RPS6KA2: variants seen among roughly 807,000 people sequenced by gnomAD.
RPS6KA2 encodes ribosomal protein S6 kinase alpha-2.
In RPS6KA2, 42 loss-of-function variants were observed where a neutral mutation model predicts 91.8. That is an observed-to-expected ratio of 0.46 (90% CI 0.36 to 0.59). The LOEUF is 0.59. Among genes scored for constraint, RPS6KA2 ranks in the 20% least tolerant of loss-of-function variants. The pLI is 0.00. For synonymous variants in RPS6KA2, 414 were observed against 393.6 expected (o/e 1.05, Z -0.61); for missense variants, 798 against 978.5 (o/e 0.82, Z 2.46).
intron 3 of RPS6KA2, among the ~76,000 whole-genome samples, chr6:166,529,371 C>T (rs544067137): frequency 1.3e-4 from 20 of 152,036 alleles, no homozygotes; most frequent in East Asian, 7.7e-4. Context: ...AATTGAACAA[C>T]GAGAACCCTT....
At chr6:166,440,152 G>A (rs1168718744) in intron 14 of RPS6KA2, 1 of 152,218 alleles carries the variant, frequency 6.6e-6, no homozygotes, top group African/African-American at 2.4e-5. Flanking sequence ...GTAATGTGTT[G>A]CATTCCTAAA....
intron 2 of RPS6KA2, among the ~76,000 whole-genome samples, chr6:166,795,457 G>T (rs1210860872): frequency 6.6e-6 from 1 of 152,232 alleles, no homozygotes; most frequent in East Asian, 1.9e-4. Flanking sequence ...TGGCATTAAA[G>T]AGCCAGTGCC....
intron 1 of RPS6KA2, among the ~76,000 whole-genome samples, chr6:166,579,293 G>A (rs1219762153): frequency 6.6e-6 from 1 of 152,164 alleles, no homozygotes; most frequent in African/African-American, 2.4e-5. Context: ...TAAAATCCAG[G>A]TTGAGATGGG....
intron 3 of RPS6KA2, among the ~76,000 whole-genome samples, chr6:166,520,304 C>T (rs1437735718): frequency 6.6e-6 from 1 of 152,184 alleles, no homozygotes. Context: ...CGAATTCAGA[C>T]TGGAACTTAT....
chr6:166,488,634 G>A (rs1781490490), intron 10 of RPS6KA2, among the ~76,000 whole-genome samples, 199 bp downstream of exon 10: 1 of 152,248 alleles, frequency 6.6e-6, no homozygotes, highest in African/African-American at 2.4e-5. Flanking sequence ...GCAACTATGT[G>A]TTTTAGAAGC....
chr6:166,594,388 C>CAT (rs1201885029), intron 1 of RPS6KA2, among the ~76,000 whole-genome samples: 1 of 152,004 alleles, frequency 6.6e-6, no homozygotes, highest in African/African-American at 2.4e-5. Flanking sequence ...TTTTAGTAAG[C>CAT]AGATCAAATA....
chr6:166,507,084 G>A (rs562535267), intron 5 of RPS6KA2, among the ~76,000 whole-genome samples: 36 of 152,124 alleles, frequency 2.4e-4, no homozygotes, highest in Admixed American at 1.1e-3. Flanking sequence ...GGTGGCGTGC[G>A]AAGACCACAC....
chr6:166,611,829 A>T (rs1328174236), intron 1 of RPS6KA2, among the ~76,000 whole-genome samples: 1 of 152,164 alleles, frequency 6.6e-6, no homozygotes, highest in African/African-American at 2.4e-5. Context: ...CTGGGCAGGG[A>T]TCTCAGGTTA....
intron 2 of RPS6KA2, among the ~76,000 whole-genome samples, chr6:166,850,311 G>C (rs1780707352): frequency 7.0e-6 from 1 of 142,870 alleles, no homozygotes; most frequent in African/African-American, 2.6e-5. Context: ...CATTATCTAT[G>C]GGAGAAAATC....
chr6:166,741,666 A>C (rs375600314), intron 2 of RPS6KA2, among the ~76,000 whole-genome samples: 290 of 152,324 alleles, frequency 1.9e-3, no homozygotes, highest in African/African-American at 5.1e-3. Context: ...AGTCATACCC[A>C]ATGGGTGGCT....
chr6:166,753,542 A>C (rs1400201038), intron 2 of RPS6KA2, among the ~76,000 whole-genome samples: 2 of 152,222 alleles, frequency 1.3e-5, no homozygotes. Context: ...TCATATTGCA[A>C]AAACAAACAC....
At chr6:166,691,288 G>A (rs988404140) in intron 2 of RPS6KA2, among the ~76,000 whole-genome samples, 3 of 152,086 alleles carry the variant, frequency 2.0e-5, no homozygotes, top group African/African-American at 4.8e-5. Flanking sequence ...CGCATGCCAG[G>A]TTAGGCCCTC....
At chr6:166,668,222 C>A (rs972534665) in intron 2 of RPS6KA2, among the ~76,000 whole-genome samples, 4 of 152,184 alleles carry the variant, frequency 2.6e-5, no homozygotes, top group Non-Finnish European at 5.9e-5. Context: ...GTGAAGACAG[C>A]GTTCCTGAAC....
chr6:166,477,234 C>G (rs912779798), intron 10 of RPS6KA2, among the ~76,000 whole-genome samples: 2 of 152,252 alleles, frequency 1.3e-5, no homozygotes, highest in East Asian at 1.9e-4. Flanking sequence ...GGAGGGTCCA[C>G]AGCTCCTCGA....
chr6:166,597,157 G>A (rs1055311303), intron 1 of RPS6KA2, among the ~76,000 whole-genome samples: 1 of 152,220 alleles, frequency 6.6e-6, no homozygotes, highest in Non-Finnish European at 1.5e-5. Context: ...GATAGTGCAC[G>A]CCATGGGAGG....
chr6:166,678,913 A>T (rs1788697382), intron 2 of RPS6KA2, among the ~76,000 whole-genome samples: 1 of 152,232 alleles, frequency 6.6e-6, no homozygotes, highest in Non-Finnish European at 1.5e-5. Flanking sequence ...CTCTAGAAAT[A>T]GTGTGTATTT....
At chr6:166,717,874 G>C (rs2128583203) in intron 2 of RPS6KA2, among the ~76,000 whole-genome samples, 1 of 148,676 alleles carries the variant, frequency 6.7e-6, no homozygotes, top group South Asian at 2.1e-4. Flanking sequence ...TTTAGACGGA[G>C]TTTTTGCTCT....
chr6:166,469,734 C>T, intron 11 of RPS6KA2, 107 bp downstream of exon 11: 2 of 1,024,642 alleles, frequency 2.0e-6, no homozygotes, highest in East Asian at 2.4e-5. Flanking sequence ...TCACCTCCGA[C>T]CTACTTGTGA....
In RPS6KA2 at chr6:166,498,507, C is replaced by T; in HGVS notation, c.747+1G>A. 6.2e-7 allele frequency: 1 copy of T among 1,608,116 alleles called. No individual in the cohort carries two copies. Among genetic ancestry groups the T allele is most frequent in the African/African-American group, 1.3e-5 (1 of 74,656 alleles). On this transcript the variant is annotated splice_donor_variant, in intron 8 of 20. Coordinates refer to ENST00000265678, the MANE Select transcript of RPS6KA2 (RefSeq NM_021135.6). LOFTEE classifies it high-confidence loss of function. Reference sequence around the variant, plus strand: ...ACAGAAGAGGGTCGGGGCAGGCTCACCATGAGCACGCCGAAGGACCACCAG... The same window carrying T: ...ACAGAAGAGGGTCGGGGCAGGCTCATCATGAGCACGCCGAAGGACCACCAG...
Sources: gnomAD v4.1 joint callset for allele counts (sites outside exome capture counted in the v4.1 genomes callset) on GRCh38, gnomAD v4.1.1 for gene constraint, MANE v1.5 for transcripts, NCBI Gene and HGNC (gene_info 2026-07-23, HGNC 2026-07-21) for gene names.